Variants in RAPH1 observed in about 807,000 individuals in gnomAD.
RAPH1 encodes the protein Ras association (RalGDS/AF-6) and pleckstrin homology domains 1, also known as ras-associated and pleckstrin homology domains-containing protein 1.
RAPH1 carries 18 observed loss-of-function variants against 88.1 expected under a neutral mutation model. That is an observed-to-expected ratio of 0.20 (90% CI 0.14 to 0.30). The LOEUF is 0.30. Ranked by LOEUF, RAPH1 falls within the 10% of genes least tolerant of loss-of-function variation. The pLI is 1.00. For synonymous variants in RAPH1, 587 were observed against 559.0 expected (o/e 1.05, Z -0.71); for missense variants, 1,448 against 1,543.2 (o/e 0.94, Z 1.03).
chr2:203,506,732 AGATATATATC>A (rs1282757451), intron 1 of RAPH1, among the ~76,000 whole-genome samples: 1 of 115,146 alleles, frequency 8.7e-6, no homozygotes, highest in Non-Finnish European at 1.6e-5. Context: ...ATCCATATAT[AGATATATATC>A]TATATATATA....
chr2:203,514,868 T>C (rs1689526803), intron 1 of RAPH1, among the ~76,000 whole-genome samples: 2 of 152,214 alleles, frequency 1.3e-5, no homozygotes, highest in Non-Finnish European at 2.9e-5. Flanking sequence ...TTGTTTTTCA[T>C]TTAACAATCT....
chr2:203,492,928 T>C (rs1256181858), intron 2 of RAPH1, among the ~76,000 whole-genome samples: 5 of 152,204 alleles, frequency 3.3e-5, no homozygotes, highest in Admixed American at 2.6e-4. Flanking sequence ...TTTTAGAAGA[T>C]TGACCAACTA....
chr2:203,440,631 A>G lies in RAPH1; in HGVS notation c.2559T>C (p.Ser853=). The stretch of plus-strand genomic sequence containing the variant: ...CGACCGAGGGCACCGGTGACAGTGG[A>G]GAGGGAGGGGGTTTTGCACAGAAGC... ...QQSFCAKPPP[S]PLSPVPSVVK... The change falls in exon 14 of 14, where the codon TCT becomes TCC. Residue 853 remains serine, a synonymous_variant. Coordinates refer to ENST00000319170, the MANE Select transcript of RAPH1 (RefSeq NM_213589.3). 6.8e-7 allele frequency: 1 copy of G among 1,459,864 alleles called. No individual in the cohort carries two copies. Among genetic ancestry groups the G allele is most frequent in the Non-Finnish European group, 9.1e-7 (1 of 1,098,042 alleles). 90.4% of individuals were successfully genotyped at this position (1,459,864 alleles called of 1,614,324 possible). A position where few individuals can be genotyped will look rare whatever the true frequency, so the allele number is the denominator to read the frequency against.
rs1332790442 is a variant in RAPH1, at chr2:203,435,376, A to G, written c.*4061T>C. On this transcript the variant is annotated 3_prime_UTR_variant, in exon 14 of 14. Coordinates refer to ENST00000319170, the MANE Select transcript of RAPH1 (RefSeq NM_213589.3). ...TGAGACCCCCATCTCTACCAAAAAA[A>G]AAAAAAAACCTTAAAAGATAATAAG... 1.3e-5 allele frequency: 2 copies of G among 151,850 alleles called. No individual in the cohort carries two copies. Among genetic ancestry groups the G allele is most frequent in the Admixed American group, 1.3e-4 (2 of 15,226 alleles). 9.4% of individuals were successfully genotyped at this position (151,850 alleles called of 1,614,324 possible).
intron 4 of RAPH1, chr2:203,477,249 G>A: frequency 4.3e-6 from 4 of 940,566 alleles, no homozygotes; most frequent in Non-Finnish European, 6.8e-6. Flanking sequence ...GATCAATGAA[G>A]TGAAACAAAA....
chr2:203,441,408 T>A lies in RAPH1; in HGVS notation c.1782A>T (p.Arg594Ser). The change falls in exon 14 of 14, where the codon AGA (arginine) becomes AGT (serine). Residue 594 changes from arginine (R) to serine (S), a missense_variant. Physicochemically the swap from Arg to Ser is moderately radical, Grantham distance 110. Transcript: ENST00000319170. ...GTQLEESSKA[R>S]MESMNRPYTS... ...TGTAGGGCCGATTCATAGACTCCAT[T>A]CTGGCCTAAAAGGAGTATAAAAAGG... 3 of 1,545,664 alleles carry A rather than the reference T, an allele frequency of 1.9e-6. No homozygotes were observed. Among genetic ancestry groups the A allele is most frequent in the Non-Finnish European group, 1.7e-6 (2 of 1,150,512 alleles).
rs200048161 is a variant in RAPH1, at chr2:203,439,668, T to C, written c.3522A>G (p.Gln1174=). 4.3e-6 allele frequency: 7 copies of C among 1,614,090 alleles called. No individual in the cohort carries two copies. The highest frequency in any genetic ancestry group is 1.3e-5 in the African/African-American group (1 of 75,006). Reference sequence around the variant, plus strand: ...AGCCGTGCCGAGTGATGGACTTTCGTTGCAGTGTCCTGTTGAGGTCAGCCA... The same window carrying C: ...AGCCGTGCCGAGTGATGGACTTTCGCTGCAGTGTCCTGTTGAGGTCAGCCA... The part of the protein sequence containing the change: ...GFLADLNRTL[Q]RKSITRHGSL... The change falls in exon 14 of 14, where the codon CAA becomes CAG. Residue 1174 remains glutamine (Q), a synonymous_variant. Coordinates refer to ENST00000319170, the MANE Select transcript of RAPH1 (RefSeq NM_213589.3).
intron 1 of RAPH1, among the ~76,000 whole-genome samples, chr2:203,506,505 G>A (rs1689004427): frequency 6.6e-6 from 1 of 151,216 alleles, no homozygotes; most frequent in African/African-American, 2.4e-5. Flanking sequence ...GGGCAACAGA[G>A]CGAGACTCCG....
intron 4 of RAPH1, among the ~76,000 whole-genome samples, chr2:203,483,783 A>G (rs941134812): frequency 2.6e-5 from 4 of 152,120 alleles, no homozygotes; most frequent in African/African-American, 7.2e-5. Context: ...TTTCCTCCCT[A>G]TCCTTCCTAG....
Position 203,439,269 on chromosome 2 carries a change from T to G in RAPH1, c.*168A>C. 1 of 610,804 alleles carries G rather than the reference T, an allele frequency of 1.6e-6. No homozygotes were observed. Among genetic ancestry groups the G allele is most frequent in the Non-Finnish European group, 2.9e-6 (1 of 344,588 alleles). The allele number at this position is 610,804 out of a possible 1,614,324, so 37.8% of individuals were successfully genotyped here. The stretch of plus-strand genomic sequence containing the variant: ...TATATGTATACATATATACACACAC[T>G]GTACAGCTGTGTGTACATGCACGTG... On this transcript the variant is annotated 3_prime_UTR_variant, in exon 14 of 14. Coordinates refer to ENST00000319170, the MANE Select transcript of RAPH1 (RefSeq NM_213589.3).
chr2:203,532,671 A>C (rs1690442133), intron 1 of RAPH1, among the ~76,000 whole-genome samples: 1 of 152,218 alleles, frequency 6.6e-6, no homozygotes, highest in Non-Finnish European at 1.5e-5. Context: ...TACAGTGGCC[A>C]CTTTTTATTA....
chr2:203,534,577 G>C (rs1454194548), intron 1 of RAPH1, among the ~76,000 whole-genome samples: 1 of 139,260 alleles, frequency 7.2e-6, no homozygotes, highest in East Asian at 2.2e-4. Context: ...ACCGCAAGAG[G>C]AGACGCGGTT....
At chr2:203,484,029 T>C (rs1687849169) in intron 4 of RAPH1, among the ~76,000 whole-genome samples, 1 of 152,174 alleles carries the variant, frequency 6.6e-6, no homozygotes, top group South Asian at 2.1e-4. Flanking sequence ...TCAGCCTTCA[T>C]AATGGTGTGG....
chr2:203,461,422 A>G lies in RAPH1; in HGVS notation c.811-14T>C, dbSNP rs1158757646. 3 of 1,577,538 alleles carry G rather than the reference A, an allele frequency of 1.9e-6. No individual in the cohort carries two copies. Among genetic ancestry groups the G allele is most frequent in the Non-Finnish European group, 2.6e-6 (3 of 1,162,720 alleles). ...TCTGATCACCAGCTATAACAGGTAAAAAGAAAAGTAAATGAACACTAAAAA... is the reference window on the plus strand; with the variant it reads ...TCTGATCACCAGCTATAACAGGTAAGAAGAAAAGTAAATGAACACTAAAAA... On this transcript the variant is annotated splice_polypyrimidine_tract_variant and intron_variant, in intron 5 of 13. Coordinates refer to ENST00000319170, the MANE Select transcript of RAPH1 (RefSeq NM_213589.3).
rs1688598948 is a variant in RAPH1 at position 203,498,235 on chromosome 2, G to A, written c.1-2882C>T. Among the ~76,000 whole-genome samples, 3 of 152,146 alleles carry A rather than the reference G, an allele frequency of 2.0e-5. No individual in the cohort carries two copies. The South Asian group carries it at 6.2e-4, about 32-fold the overall frequency. On this transcript the variant is annotated intron_variant, in intron 1 of 13. Transcript: ENST00000319170. The stretch of plus-strand genomic sequence containing the variant: ...CATTATGTCACTATTGGCAGAAACA[G>A]CAGCTTTAGTAACTTTAATGAGTAT...
rs137885175 is a variant in RAPH1 at position 203,440,341 on chromosome 2, G to A, written c.2849C>T (p.Pro950Leu). 2 of 1,611,618 alleles carry A rather than the reference G, an allele frequency of 1.2e-6. No homozygotes were observed. The highest frequency in any genetic ancestry group is 1.7e-6 in the Non-Finnish European group (2 of 1,178,480). The change falls in exon 14 of 14, where the codon CCT becomes CTT. Residue 950 changes from proline (P) to leucine (L), a missense_variant. By Grantham distance (98) the Pro-to-Leu change is moderately conservative. This residue lies in a region of RAPH1 where 935 missense variants were observed against 890.1 expected (regional missense o/e 1.05). Coordinates refer to ENST00000319170, the MANE Select transcript of RAPH1 (RefSeq NM_213589.3). The stretch of plus-strand genomic sequence containing the variant: ...TTTGCCTGGAGATCCACTTTTGTCA[G>A]GGGTAGGAGAAGCTGTGGGTGGAGG... ...PPPPPTASPT[P>L]DKSGSPGKKT...
chr2:203,473,433 G>A (rs995562597), intron 4 of RAPH1, among the ~76,000 whole-genome samples: 12 of 152,088 alleles, frequency 7.9e-5, no homozygotes, highest in African/African-American at 1.4e-4. Context: ...ACAGCTGAAG[G>A]ACTAAGGAGA....
chr2:203,454,582 A>G (rs2098517699), intron 9 of RAPH1, 42 bp from the exon 10 acceptor site: 3 of 1,413,766 alleles, frequency 2.1e-6, no homozygotes, highest in African/African-American at 2.8e-5. Flanking sequence ...ATAATAATGC[A>G]CAAACAAGCA....
chr2:203,522,907 A>G (rs1294133129), intron 1 of RAPH1, among the ~76,000 whole-genome samples: 2 of 151,418 alleles, frequency 1.3e-5, no homozygotes, highest in Non-Finnish European at 2.9e-5. Context: ...AAAAAAAAAA[A>G]AAAAAAAAAG....
Sources: allele counts gnomAD v4.1 joint callset (sites outside exome capture counted in the v4.1 genomes callset), GRCh38; gene constraint gnomAD v4.1.1; regional missense constraint gnomAD v4.1.1; transcripts MANE v1.5; gene names NCBI Gene and HGNC (gene_info 2026-07-23, HGNC 2026-07-21).